Variants in ATRNL1 observed in about 807,000 individuals in gnomAD.
ATRNL1 encodes attractin like 1, also known as attractin-like protein 1.
Under a neutral mutation model 182.7 loss-of-function variants are expected in ATRNL1, and 95 were observed. The observed-to-expected ratio is 0.52, with a 90% CI of 0.44 to 0.62. The LOEUF (loss-of-function observed/expected upper bound fraction) is 0.62. Ranked by LOEUF, ATRNL1 falls within the 20% of genes least tolerant of loss-of-function variation. The probability of loss-of-function intolerance (pLI) is 0.00; values close to 1 mark genes in which losing one functional copy is unlikely to be tolerated. For missense variants in ATRNL1, 1,471 were observed against 1,679.5 expected, an observed-to-expected ratio of 0.88 and a Z score of 2.17; for synonymous variants, 576 against 568.3, an observed-to-expected ratio of 1.01 and a Z score of -0.19.
chr10:115,906,394 A>G (rs1952504402), intron 28 of ATRNL1, among the ~76,000 whole-genome samples: 1 of 152,130 alleles, frequency 6.6e-6, no homozygotes, highest in South Asian at 2.1e-4. Flanking sequence ...GAATGATTAT[A>G]TATACCTCAA....
At chr10:115,731,974 G>A (rs1254857502) in intron 27 of ATRNL1, among the ~76,000 whole-genome samples, 4 of 151,204 alleles carry the variant, frequency 2.6e-5, no homozygotes, top group East Asian at 1.9e-4. Context: ...AAGTTGATAC[G>A]TGTTGTAGCG....
At chr10:115,639,605 G>A (rs1044708317) in intron 26 of ATRNL1, among the ~76,000 whole-genome samples, 3 of 152,146 alleles carry the variant, frequency 2.0e-5, no homozygotes, top group African/African-American at 7.2e-5. Flanking sequence ...ATTCTAAGTG[G>A]AAAATGCTGA....
At chr10:115,528,971 G>A (rs1592792104) in intron 25 of ATRNL1, among the ~76,000 whole-genome samples, 1 of 151,974 alleles carries the variant, frequency 6.6e-6, no homozygotes, top group African/African-American at 2.4e-5. Context: ...ACTGTGGGTG[G>A]TGAAGATACT....
chr10:115,257,210 C>G (rs1207833205), intron 10 of ATRNL1, among the ~76,000 whole-genome samples: 2 of 152,158 alleles, frequency 1.3e-5, no homozygotes, highest in Admixed American at 1.3e-4. Flanking sequence ...ATTGATCTCT[C>G]TAATGTTGAC....
intron 26 of ATRNL1, among the ~76,000 whole-genome samples, chr10:115,582,170 G>A (rs1322115444): frequency 6.6e-6 from 1 of 151,720 alleles, no homozygotes; most frequent in Non-Finnish European, 1.5e-5. Flanking sequence ...TTGGTTCCAA[G>A]TCTTTGCTAT....
chr10:115,874,101 T>A (rs114498713), intron 28 of ATRNL1, among the ~76,000 whole-genome samples: 2,683 of 152,296 alleles, frequency 0.018, 64 homozygotes, highest in African/African-American at 0.05. Flanking sequence ...GCTTGTCAAC[T>A]TGGGGAAAGT....
At chr10:115,149,170 A>G (rs1049913914) in intron 5 of ATRNL1, among the ~76,000 whole-genome samples, 1 of 152,108 alleles carries the variant, frequency 6.6e-6, no homozygotes, top group East Asian at 1.9e-4. Context: ...TTTATTACGC[A>G]GATGGGGTCT....
rs151192601 is a variant in ATRNL1, at chr10:115,729,665, T to C, written c.3903+2310T>C. Among the ~76,000 whole-genome samples, 10 of 152,230 alleles carry C rather than the reference T, an allele frequency of 6.6e-5. No individual in the cohort carries two copies. In the East Asian group the frequency reaches 1.9e-3, roughly 29 times the overall value. On this transcript the variant is annotated intron_variant, in intron 27 of 28. Coordinates refer to ENST00000355044, the MANE Select transcript of ATRNL1 (RefSeq NM_207303.4). ...TATAGCTACCCTTTCCTTATCAAGA[T>C]TCATAGTGATTTTTCCCTAGCTATG...
intron 19 of ATRNL1, among the ~76,000 whole-genome samples, chr10:115,388,638 C>A (rs564038447): frequency 6.6e-6 from 1 of 151,640 alleles, no homozygotes; most frequent in Non-Finnish European, 1.5e-5. Context: ...TATTTTTTCT[C>A]ATTTATGTTA....
chr10:115,588,062 A>G (rs1855674757), intron 26 of ATRNL1, among the ~76,000 whole-genome samples: 1 of 152,202 alleles, frequency 6.6e-6, no homozygotes. Context: ...AGACTGGATA[A>G]TAAATGGAAG....
rs782108879 is a variant in ATRNL1, at chr10:115,461,932, TC to T, written c.3323-6del. 1 of 1,598,400 alleles carries T rather than the reference TC, an allele frequency of 6.3e-7. No individual in the cohort carries two copies. The highest frequency in any genetic ancestry group is 8.5e-7 in the Non-Finnish European group (1 of 1,171,984). On this transcript the variant is annotated splice_polypyrimidine_tract_variant and splice_region_variant and intron_variant, in intron 21 of 28. Coordinates refer to ENST00000355044, the MANE Select transcript of ATRNL1 (RefSeq NM_207303.4). ...CATATCAGGATTGTACTTTTTTTCC[TC>T]CCTACAGACAGCCTTTTGATTGATT... is the stretch of plus-strand genomic sequence containing the variant.
chr10:115,653,815 G>A (rs1259773741), intron 26 of ATRNL1, among the ~76,000 whole-genome samples: 1 of 152,056 alleles, frequency 6.6e-6, no homozygotes, highest in Non-Finnish European at 1.5e-5. Context: ...CAGTGCCCTG[G>A]CTCATAGCAG....
chr10:115,801,562 TGTAA>T (rs1443824150), intron 27 of ATRNL1, among the ~76,000 whole-genome samples: 1 of 152,184 alleles, frequency 6.6e-6, no homozygotes, highest in African/African-American at 2.4e-5. Flanking sequence ...TTCTAAACCC[TGTAA>T]GTATTTAACT....
rs556346458 is a variant in ATRNL1, at chr10:115,266,738, A to G, written c.1773-59A>G. Reference sequence around the variant, plus strand: ...AATCTATGCTTATTTTTATAACTAAATCAGTAGATAGGGACTTTTAATAGC... The same window carrying G: ...AATCTATGCTTATTTTTATAACTAAGTCAGTAGATAGGGACTTTTAATAGC... On this transcript the variant is annotated intron_variant, in intron 11 of 28. Transcript: ENST00000355044. The G allele has an allele frequency of 2.8e-5, 27 of 960,982 alleles. No homozygotes were observed. The South Asian group carries it at 4.1e-4, about 14-fold the overall frequency. 59.5% of individuals were successfully genotyped at this position (960,982 alleles called of 1,614,324 possible).
intron 24 of ATRNL1, among the ~76,000 whole-genome samples, chr10:115,492,788 C>T (rs961192726): frequency 5.9e-5 from 9 of 151,458 alleles, no homozygotes; most frequent in Non-Finnish European, 7.4e-5. Flanking sequence ...GGACTACAGG[C>T]GCCTGCCACC....
At chr10:115,699,035 A>T (rs1037567125) in intron 26 of ATRNL1, among the ~76,000 whole-genome samples, 18 of 152,146 alleles carry the variant, frequency 1.2e-4, no homozygotes, top group African/African-American at 3.6e-4. Context: ...GAATAATTTT[A>T]ACAGATGCTC....
At chr10:115,426,706 A>G (rs1845916201) in intron 21 of ATRNL1, among the ~76,000 whole-genome samples, 1 of 152,076 alleles carries the variant, frequency 6.6e-6, no homozygotes, top group South Asian at 2.1e-4. Flanking sequence ...TACTGATTAT[A>G]TGGTAGGTAT....
chr10:115,847,562 G>A (rs1287464850), intron 27 of ATRNL1, among the ~76,000 whole-genome samples: 1 of 152,122 alleles, frequency 6.6e-6, no homozygotes, highest in Non-Finnish European at 1.5e-5. Context: ...ATTTTGAATT[G>A]TGATCACTTA....
intron 21 of ATRNL1, 144 bp from the exon 22 acceptor site, chr10:115,461,797 G>A (rs1565068922): frequency 2.4e-6 from 1 of 424,366 alleles, no homozygotes; most frequent in South Asian, 7.8e-5. Flanking sequence ...ACAAAGATTT[G>A]TATTTTGTTA....
Sources: gnomAD v4.1 joint callset for allele counts (sites outside exome capture counted in the v4.1 genomes callset) on GRCh38, gnomAD v4.1.1 for gene constraint, MANE v1.5 for transcripts, NCBI Gene and HGNC (gene_info 2026-07-23, HGNC 2026-07-21) for gene names.